CELF5: variants seen among roughly 807,000 people sequenced by gnomAD.
The protein encoded by CELF5 is CUG-BP and ETR-3 like factor 5.
In CELF5, 6 loss-of-function variants were observed where a neutral mutation model predicts 54.9. That is an observed-to-expected ratio of 0.11 (90% confidence interval 0.06 to 0.22). The LOEUF is 0.22. Ranked by LOEUF, CELF5 falls within the 10% of genes least tolerant of loss-of-function variation. The pLI is 1.00. For missense variants in CELF5, 401 were observed against 678.6 expected (o/e 0.59, Z 4.54); for synonymous variants, 271 against 290.9 (o/e 0.93, Z 0.70).
intron 2 of CELF5, among the ~76,000 whole-genome samples, chr19:3,263,986 A>C (rs1055926137): frequency 2.0e-5 from 3 of 152,208 alleles, no homozygotes; most frequent in African/African-American, 7.2e-5. Flanking sequence ...ATACTTACAA[A>C]ACAAACATCC....
At chr19:3,235,646 G>GTGGATGGATGGA (rs1273273181) in intron 1 of CELF5, among the ~76,000 whole-genome samples, 6,750 of 44,314 alleles carry the variant, frequency 0.15, 331 homozygotes, top group East Asian at 0.28. Context: ...GGGTGGATGA[G>GTGGATGGATGGA]TGGATGGATG....
intron 1 of CELF5, among the ~76,000 whole-genome samples, chr19:3,231,040 G>T (rs1917229309): frequency 6.6e-6 from 1 of 152,206 alleles, no homozygotes; most frequent in African/African-American, 2.4e-5. Context: ...ATAGACCAGG[G>T]TCAGAGCCAT....
intron 2 of CELF5, among the ~76,000 whole-genome samples, chr19:3,266,842 G>A (rs763641552): frequency 4.6e-5 from 7 of 152,328 alleles, no homozygotes; most frequent in Non-Finnish European, 1.0e-4. Flanking sequence ...TGCCAGCCAC[G>A]TCTGAGCACG....
At chr19:3,248,555 T>G (rs2079598700) in intron 1 of CELF5, among the ~76,000 whole-genome samples, 1 of 152,166 alleles carries the variant, frequency 6.6e-6, no homozygotes, top group South Asian at 2.1e-4. Flanking sequence ...TTCCTTCCTT[T>G]TTGTGGCTGG....
rs115872153 is a variant in CELF5, at chr19:3,260,436, T to G, written c.342+9369T>G. Among the ~76,000 whole-genome samples the G allele has an allele frequency of 4.0e-3, 612 of 151,674 alleles. 3 individuals are homozygous for G. Among genetic ancestry groups the G allele is most frequent in the African/African-American group, 0.014 (590 of 41,404 alleles). ...CAGGCGTAAGCCACCGAAGACTGGC[T>G]AAATATATGTATGTATTTTATTTTA... On this transcript the variant is annotated intron_variant, in intron 2 of 12. Coordinates refer to ENST00000292672, the MANE Select transcript of CELF5 (RefSeq NM_021938.4).
At chr19:3,295,177 G>C (rs934859377) in intron 12 of CELF5, 2 of 152,226 alleles carry the variant, frequency 1.3e-5, no homozygotes, top group Non-Finnish European at 2.9e-5. Context: ...TCTACTGGAG[G>C]CCACCTGGAG....
rs1445229840 is a variant in CELF5 at position 3,228,774 on chromosome 19, G to A, written c.259+3776G>A. Among the ~76,000 whole-genome samples the A allele has an allele frequency of 9.2e-5, 14 of 151,918 alleles. No individual in the cohort carries two copies. The highest frequency in any genetic ancestry group is 1.3e-4 in the Non-Finnish European group (9 of 67,954). ...GACGCACCAGCTCCAGGGAGAAGGCGGGCTGGGCGGCCTGGCGGGGGGACC... is the reference window on the plus strand; with the variant it reads ...GACGCACCAGCTCCAGGGAGAAGGCAGGCTGGGCGGCCTGGCGGGGGGACC... On this transcript the variant is annotated intron_variant, in intron 1 of 12. Coordinates refer to ENST00000292672, the MANE Select transcript of CELF5 (RefSeq NM_021938.4). The surrounding 1 kb of genome is among the most constrained non-coding windows in gnomAD (Gnocchi z 6.0).
chr19:3,245,287 G>A lies in CELF5; in HGVS notation c.260-5698G>A, dbSNP rs1057434244. 4.7e-5 allele frequency among the ~76,000 whole-genome samples: 7 copies of A among 147,702 alleles called. No individual in the cohort carries two copies. The Admixed American group carries it at 4.7e-4, about 10-fold the overall frequency. On this transcript the variant is annotated intron_variant, in intron 1 of 12. Coordinates refer to ENST00000292672, the MANE Select transcript of CELF5 (RefSeq NM_021938.4). The stretch of plus-strand genomic sequence containing the variant: ...TGTATGCATCTCTGTGTGTGTGCGT[G>A]TGTGTTTGCATCTGTGTGTGTGTGG...
chr19:3,233,590 G>A (rs1171425969), intron 1 of CELF5, among the ~76,000 whole-genome samples: 4 of 152,156 alleles, frequency 2.6e-5, no homozygotes, highest in Non-Finnish European at 5.9e-5. Context: ...TCCAGGAAGA[G>A]TGCAGAGGCC....
chr19:3,256,720 A>T (rs1044386995), intron 2 of CELF5, among the ~76,000 whole-genome samples: 24 of 151,486 alleles, frequency 1.6e-4, no homozygotes, highest in South Asian at 4.2e-4. Context: ...GGCATGTGCC[A>T]CCGTGCCATG....
At chr19:3,243,843 T>C (rs2079525445) in intron 1 of CELF5, among the ~76,000 whole-genome samples, 1 of 152,074 alleles carries the variant, frequency 6.6e-6, no homozygotes, top group Non-Finnish European at 1.5e-5. Context: ...TCCGCCTGCA[T>C]CTTCACGTCC....
intron 5 of CELF5, among the ~76,000 whole-genome samples, chr19:3,280,098 G>C (rs2080123247): frequency 6.6e-6 from 1 of 152,176 alleles, no homozygotes; most frequent in Non-Finnish European, 1.5e-5. Context: ...GACTGCCCAG[G>C]GCTGCCTGTT....
intron 1 of CELF5, among the ~76,000 whole-genome samples, chr19:3,245,707 A>T (rs1220079525): frequency 6.6e-6 from 1 of 152,016 alleles, no homozygotes; most frequent in Non-Finnish European, 1.5e-5. Context: ...TCTTTTGAAG[A>T]GCTTGGGGAA....
rs1458602298 is a variant in CELF5, at chr19:3,278,537, C to T, written c.603+427C>T. ...GTATGGATAAGTGTGCCATTGTGTG[C>T]TAGTGTAGAGATACTAGTGCGTGTG... On this transcript the variant is annotated intron_variant, in intron 5 of 12. Transcript: ENST00000292672. This position sits in a 1 kb window ranked among gnomAD's most constrained non-coding sequence, Gnocchi z 4.5. Among the ~76,000 whole-genome samples, 1 of 151,748 alleles carries T rather than the reference C, an allele frequency of 6.6e-6. No homozygotes were observed. Among genetic ancestry groups the T allele is most frequent in the African/African-American group, 2.4e-5 (1 of 41,286 alleles).
Position 3,275,562 on chromosome 19 carries a change from G to C in CELF5, c.395-294G>C, listed in dbSNP as rs1409695397. Among the ~76,000 whole-genome samples the C allele has an allele frequency of 6.6e-6, 1 of 152,248 alleles. No homozygotes were observed. The highest frequency in any genetic ancestry group is 1.5e-5 in the Non-Finnish European group (1 of 68,036). On this transcript the variant is annotated intron_variant, in intron 3 of 12. Transcript: ENST00000292672. The surrounding 1 kb of genome is among the most constrained non-coding windows in gnomAD (Gnocchi z 6.7). ...GGAAAGGTCATCTCCGCCTGGAGGG[G>C]GAGCAGTGGAGCAGAGACCCCAAAA... is the stretch of plus-strand genomic sequence containing the variant.
chr19:3,284,998 TGGCCCCGCCCCCGCCTAG>T (rs757973142), intron 9 of CELF5, 34 bp downstream of exon 9: 34 of 1,504,294 alleles, frequency 2.3e-5, no homozygotes, highest in East Asian at 1.1e-4. Context: ...CGCTGGGCCC[TGGCCCCGCCCCCGCCTAG>T]GGCCCCGCCC....
intron 1 of CELF5, among the ~76,000 whole-genome samples, chr19:3,240,643 G>A (rs1427461258): frequency 6.6e-6 from 1 of 151,720 alleles, no homozygotes; most frequent in Non-Finnish European, 1.5e-5. Context: ...ACACACTTCT[G>A]AAAGCCTATG....
intron 2 of CELF5, among the ~76,000 whole-genome samples, chr19:3,257,047 G>A (rs556092792): frequency 3.3e-5 from 5 of 152,282 alleles, no homozygotes; most frequent in Non-Finnish European, 2.9e-5. Flanking sequence ...GGGATCAAGC[G>A]AGCCTCCCAC....
intron 3 of CELF5, among the ~76,000 whole-genome samples, chr19:3,274,876 T>C (rs2080021950): frequency 6.6e-6 from 1 of 151,972 alleles, no homozygotes; most frequent in Non-Finnish European, 1.5e-5. Flanking sequence ...GGGGTCTGTA[T>C]GTCTCCATTT....
Sources: gnomAD v4.1 joint callset for allele counts (sites outside exome capture counted in the v4.1 genomes callset) on GRCh38, gnomAD v4.1.1 for gene constraint, Gnocchi (gnomAD v3.1) non-coding constraint, MANE v1.5 for transcripts, NCBI Gene and HGNC (gene_info 2026-07-23, HGNC 2026-07-21) for gene names.